Variants in RBFOX2 observed in about 807,000 individuals in gnomAD.
RBFOX2 encodes RNA binding protein fox-1 homolog 2.
A neutral mutation model predicts 49.1 loss-of-function variants in RBFOX2; 10 were observed. The observed-to-expected ratio is 0.20, with a 90% confidence interval of 0.13 to 0.35. The LOEUF (loss-of-function observed/expected upper bound fraction) is 0.35, where lower values mean the gene tolerates loss of function less well. Among genes scored for constraint, RBFOX2 ranks in the 10% least tolerant of loss-of-function variants. The probability of loss-of-function intolerance (pLI) is 1.00; values close to 1 mark genes in which losing one functional copy is unlikely to be tolerated. For synonymous variants in RBFOX2, 183 were observed against 187.4 expected (o/e 0.98, Z 0.19); for missense variants, 323 against 486.9 (o/e 0.66, Z 3.17).
intron 8 of RBFOX2, 71 bp from the exon 10 acceptor site, chr22:35,760,091 C>CT: frequency 6.4e-7 from 1 of 1,569,188 alleles, no homozygotes; most frequent in Non-Finnish European, 8.8e-7. Flanking sequence ...TCACAACTTG[C>CT]TATGAACCAA....
At position 35,809,759 on chromosome 22, in the gene RBFOX2, TTCACC is replaced by T. The variant is rs150253844; in HGVS notation, c.252+16_252+20del. ...ATGATTGCCATGCATCCTTCCATTT[TTCACC>T]TCATGGTCCACGTACCGTAAGAGAT... On this transcript the variant is annotated intron_variant, in intron 2 of 11. Coordinates refer to ENST00000405409, the Ensembl canonical transcript of RBFOX2. 7.8e-4 allele frequency: 1,254 copies of T among 1,608,568 alleles called. 4 individuals are homozygous for T. The African/African-American group carries it at 0.015, about 19-fold the overall frequency.
At chr22:35,807,655 T>C (rs1365839988) in intron 2 of RBFOX2, among the ~76,000 whole-genome samples, 2 of 151,322 alleles carry the variant, frequency 1.3e-5, no homozygotes, top group African/African-American at 4.9e-5. Flanking sequence ...CTAAAATCAA[T>C]CACCTAAGCT....
At chr22:35,760,411 C>T (rs948818023) in intron 8 of RBFOX2, among the ~76,000 whole-genome samples, 1 of 152,124 alleles carries the variant, frequency 6.6e-6, no homozygotes, top group East Asian at 1.9e-4. Flanking sequence ...ACTCTTCAAC[C>T]GGTCAGTTAT....
At chr22:35,781,436 G>C (rs1164978329) in intron 3 of RBFOX2, among the ~76,000 whole-genome samples, 164 bp downstream of exon 4, 1 of 152,158 alleles carries the variant, frequency 6.6e-6, no homozygotes, top group African/African-American at 2.4e-5. Flanking sequence ...GAGCAGACTG[G>C]ATGACAGAAA....
chr22:35,989,513 C>G (rs938956250), intron 1 of RBFOX2, among the ~76,000 whole-genome samples: 1 of 152,046 alleles, frequency 6.6e-6, no homozygotes, highest in Non-Finnish European at 1.5e-5. Flanking sequence ...AAAACCAGAA[C>G]TGCAATGGGC....
At chr22:35,738,796 G>C (rs1451015413) in exon 12 of RBFOX2, 1 of 152,490 alleles carries the variant, frequency 6.6e-6, no homozygotes, top group East Asian at 1.9e-4. Flanking sequence ...GGCTGAGGCA[G>C]TGCTCCTCCT....
At chr22:35,756,040 A>C in intron 9 of RBFOX2, 65 bp downstream of exon 11, 2 of 1,241,840 alleles carry the variant, frequency 1.6e-6, no homozygotes, top group Non-Finnish European at 2.1e-6. Flanking sequence ...AAACCAAAGA[A>C]ACAGAAAAAA....
At chr22:35,861,552 A>C (rs1055770359) in intron 1 of RBFOX2, among the ~76,000 whole-genome samples, 5 of 152,204 alleles carry the variant, frequency 3.3e-5, no homozygotes, top group Non-Finnish European at 7.3e-5. Context: ...GCATGAAAAG[A>C]AGCTCAGTAT....
intron 1 of RBFOX2, among the ~76,000 whole-genome samples, chr22:35,950,239 T>C (rs1232647092): frequency 6.6e-6 from 1 of 152,056 alleles, no homozygotes; most frequent in African/African-American, 2.4e-5. Context: ...ATACTGGTTA[T>C]CAATTAATTG....
At chr22:35,896,928 G>C (rs2047918644) in intron 1 of RBFOX2, among the ~76,000 whole-genome samples, 2 of 152,102 alleles carry the variant, frequency 1.3e-5, no homozygotes, top group Non-Finnish European at 2.9e-5. Flanking sequence ...GTGTTACTTA[G>C]ACTCTTTTAC....
chr22:36,003,768 T>C (rs557056061), intron 1 of RBFOX2, among the ~76,000 whole-genome samples: 1 of 152,372 alleles, frequency 6.6e-6, no homozygotes, highest in Admixed American at 6.5e-5. Context: ...GGCACATAAA[T>C]GGAGCTCCAT....
chr22:36,007,803 A>T (rs981934553), intron 1 of RBFOX2, among the ~76,000 whole-genome samples: 1 of 152,158 alleles, frequency 6.6e-6, no homozygotes, highest in East Asian at 1.9e-4. Flanking sequence ...GATTTTCACA[A>T]TTGATATATT....
chr22:35,785,460 T>G (rs568600689), intron 2 of RBFOX2, among the ~76,000 whole-genome samples: 2 of 152,192 alleles, frequency 1.3e-5, no homozygotes, highest in Admixed American at 1.3e-4. Context: ...TCAAATGAGA[T>G]AGAAGTGAGT....
At chr22:35,755,554 C>G (rs117661124) in intron 9 of RBFOX2, among the ~76,000 whole-genome samples, 23 of 152,190 alleles carry the variant, frequency 1.5e-4, no homozygotes, top group African/African-American at 4.6e-4. Flanking sequence ...TTGCTGGCAT[C>G]GGTTCCTTAT....
At chr22:35,889,013 G>T (rs1206801729) in intron 1 of RBFOX2, among the ~76,000 whole-genome samples, 2 of 152,150 alleles carry the variant, frequency 1.3e-5, no homozygotes, top group East Asian at 3.9e-4. Flanking sequence ...AAATTAGCTC[G>T]GCGTGGTGTG....
chr22:36,002,102 C>A (rs2058450140), intron 1 of RBFOX2, among the ~76,000 whole-genome samples: 1 of 152,104 alleles, frequency 6.6e-6, no homozygotes, highest in African/African-American at 2.4e-5. Flanking sequence ...ACAACAACAA[C>A]AAACAAATTA....
intron 1 of RBFOX2, among the ~76,000 whole-genome samples, chr22:35,823,064 G>A (rs900740686): frequency 6.6e-6 from 1 of 151,930 alleles, no homozygotes; most frequent in African/African-American, 2.4e-5. Context: ...CAGGTGATCC[G>A]CCCGCCTCGG....
At chr22:35,988,936 TC>T (rs2057844524) in intron 1 of RBFOX2, among the ~76,000 whole-genome samples, 3 of 152,336 alleles carry the variant, frequency 2.0e-5, no homozygotes, top group Middle Eastern at 6.8e-3. Flanking sequence ...ATGCCTGTAA[TC>T]CCAGCATCTT....
rs1029816771 is a variant in RBFOX2, at chr22:35,951,104, C to A, written c.42+10459G>T. ...AGGTAGCTGGGATTACAGGCGCGTGCCACCACGCCCAGCTAAATTTTTTGT... is the reference window on the plus strand; with the variant it reads ...AGGTAGCTGGGATTACAGGCGCGTGACACCACGCCCAGCTAAATTTTTTGT... On this transcript the variant is annotated intron_variant, in intron 1 of 5. Coordinates refer to the RBFOX2 transcript ENST00000408983. 1.4e-4 allele frequency among the ~76,000 whole-genome samples: 21 copies of A among 151,652 alleles called. No individual in the cohort carries two copies. In the South Asian group the frequency reaches 2.1e-3, roughly 15 times the overall value.
Sources: allele counts gnomAD v4.1 joint callset (sites outside exome capture counted in the v4.1 genomes callset), GRCh38; gene constraint gnomAD v4.1.1; transcripts MANE v1.5; gene names NCBI Gene and HGNC (gene_info 2026-07-23, HGNC 2026-07-21).